The following MIS18A variants were observed in gnomAD, a reference collection of about 807,000 sequenced individuals.
MIS18A encodes the protein protein Mis18-alpha.
Under a neutral mutation model 25.0 loss-of-function variants are expected in MIS18A, and 14 were observed. The observed-to-expected ratio is 0.56, with a 90% confidence interval of 0.37 to 0.88. The LOEUF (loss-of-function observed/expected upper bound fraction) is 0.88. Among genes scored for constraint, MIS18A ranks in the 40% least tolerant of loss-of-function variants. MIS18A has a pLI of 0.00. For synonymous variants in MIS18A, 134 were observed against 118.6 expected, an observed-to-expected ratio of 1.13 and a Z score of -0.84; for missense variants, 292 against 290.8, an observed-to-expected ratio of 1.00 and a Z score of -0.03.
At chr21:32,233,598 G>C in the MIS18A span, among the ~76,000 whole-genome samples, 1 of 152,102 alleles carries the variant, frequency 6.6e-6, no homozygotes, top group Non-Finnish European at 1.5e-5. Flanking sequence ...GCTTAACCTT[G>C]GCCATCAAAT....
the MIS18A span, among the ~76,000 whole-genome samples, chr21:32,209,854 G>C: frequency 6.6e-6 from 1 of 152,164 alleles, no homozygotes; most frequent in Non-Finnish European, 1.5e-5. Context: ...CACCATGATG[G>C]TAAGTTTCCT....
the MIS18A span, among the ~76,000 whole-genome samples, chr21:32,230,691 A>C: frequency 6.6e-6 from 1 of 152,362 alleles, no homozygotes; most frequent in East Asian, 1.9e-4. Flanking sequence ...TCAATCATGC[A>C]AAAGAATGAA....
At chr21:32,167,887 C>T in the MIS18A span, among the ~76,000 whole-genome samples, 1 of 152,160 alleles carries the variant, frequency 6.6e-6, no homozygotes, top group Non-Finnish European at 1.5e-5. Context: ...ATAAGACTGA[C>T]ATCTCAGCAA....
At chr21:32,184,101 G>A in the MIS18A span, among the ~76,000 whole-genome samples, 1 of 152,190 alleles carries the variant, frequency 6.6e-6, no homozygotes, top group Non-Finnish European at 1.5e-5. Flanking sequence ...TAAAGTGGCT[G>A]TGTCAAAACA....
At chr21:32,191,013 G>A in the MIS18A span, among the ~76,000 whole-genome samples, 2 of 152,168 alleles carry the variant, frequency 1.3e-5, no homozygotes, top group Non-Finnish European at 1.5e-5. Flanking sequence ...GCAGAAAGAA[G>A]GAACCAGGTG....
chr21:32,162,546 G>A, the MIS18A span, among the ~76,000 whole-genome samples: 2 of 152,106 alleles, frequency 1.3e-5, no homozygotes, highest in Non-Finnish European at 2.9e-5. Context: ...GTGCACCTTA[G>A]TTCATAGTGC....
the MIS18A span, among the ~76,000 whole-genome samples, chr21:32,236,578 G>T: frequency 6.6e-6 from 1 of 152,114 alleles, no homozygotes; most frequent in South Asian, 2.1e-4. Context: ...TCCTCATGTT[G>T]CTTTGCCATC....
chr21:32,168,940 G>A, the MIS18A span, among the ~76,000 whole-genome samples: 1 of 152,090 alleles, frequency 6.6e-6, no homozygotes, highest in African/African-American at 2.4e-5. Context: ...GATTGGTAAG[G>A]CACTTCTGGA....
chr21:32,223,792 T>A, the MIS18A span, among the ~76,000 whole-genome samples: 1 of 152,186 alleles, frequency 6.6e-6, no homozygotes, highest in Admixed American at 6.5e-5. Context: ...GCCAGCATCA[T>A]CCTGATACCA....
chr21:32,236,128 A>C, the MIS18A span, among the ~76,000 whole-genome samples: 6 of 151,968 alleles, frequency 3.9e-5, no homozygotes, highest in Admixed American at 6.6e-5. Context: ...TAATCCCAGC[A>C]CTTTGGGAGT....
downstream of MIS18A, among the ~76,000 whole-genome samples, chr21:32,263,333 C>G (rs1028304417): frequency 6.6e-6 from 1 of 152,200 alleles, no homozygotes; most frequent in African/African-American, 2.4e-5. Context: ...CAGTGGCTCA[C>G]GCCTGTAATC....
At chr21:32,260,084 C>CTTTT in the MIS18A span, 409 of 116,984 alleles carry the variant, frequency 3.5e-3, 35 homozygotes, top group African/African-American at 0.015. Context: ...TTTTTCTCAG[C>CTTTT]TTTTTTTTTT....
At chr21:32,264,030 A>C (rs942356661), downstream of MIS18A, among the ~76,000 whole-genome samples, 1 of 152,192 alleles carries the variant, frequency 6.6e-6, no homozygotes, top group Non-Finnish European at 1.5e-5. Context: ...CAGTTGTTAA[A>C]TAAACCACTA....
At chr21:32,245,785 G>A in the MIS18A span, among the ~76,000 whole-genome samples, 1 of 152,182 alleles carries the variant, frequency 6.6e-6, no homozygotes, top group Admixed American at 6.5e-5. Context: ...TTCCTTCTAT[G>A]AGTCAGGACA....
chr21:32,238,735 CT>C, the MIS18A span, among the ~76,000 whole-genome samples: 5 of 152,194 alleles, frequency 3.3e-5, no homozygotes, highest in Admixed American at 3.3e-4. Context: ...CTTCTTGTAT[CT>C]TTGTGACTGT....
At chr21:32,217,518 A>G in the MIS18A span, among the ~76,000 whole-genome samples, 1 of 152,240 alleles carries the variant, frequency 6.6e-6, no homozygotes, top group Non-Finnish European at 1.5e-5. Context: ...TTCCAAAAGT[A>G]GTGAAGAGAG....
chr21:32,161,106 T>G, the MIS18A span, among the ~76,000 whole-genome samples: 36 of 152,348 alleles, frequency 2.4e-4, no homozygotes, highest in African/African-American at 8.7e-4. Flanking sequence ...AGATTTATTT[T>G]CATTTCACAG....
chr21:32,187,333 CA>C, the MIS18A span, among the ~76,000 whole-genome samples: 1 of 152,152 alleles, frequency 6.6e-6, no homozygotes, highest in Non-Finnish European at 1.5e-5. Flanking sequence ...GAAGTCAATT[CA>C]AGGGCCAGGA....
chr21:32,226,529 T>C, the MIS18A span, among the ~76,000 whole-genome samples: 4 of 152,084 alleles, frequency 2.6e-5, no homozygotes, highest in Admixed American at 2.6e-4. Flanking sequence ...AAAGTATCAA[T>C]CTATCAGAAA....
Sources: gnomAD v4.1 joint callset for allele counts (sites outside exome capture counted in the v4.1 genomes callset) on GRCh38, gnomAD v4.1.1 for gene constraint, MANE v1.5 for transcripts, NCBI Gene and HGNC (gene_info 2026-07-23, HGNC 2026-07-21) for gene names.